Variants in CSMD1 observed in about 807,000 individuals in gnomAD.
The protein encoded by CSMD1 is CUB and sushi domain-containing protein 1.
In CSMD1, 213 loss-of-function variants were observed where a neutral mutation model predicts 417.5. The observed-to-expected ratio is 0.51, with a 90% CI of 0.46 to 0.57. CSMD1 has a LOEUF of 0.57. CSMD1 is among the 20% of genes least tolerant of loss of function. CSMD1 has a pLI of 0.00. For missense variants in CSMD1, 6,923 were observed against 4,529.7 expected (o/e 1.53, Z -15.17); for synonymous variants, 2,862 against 1,736.8 (o/e 1.65, Z -16.11).
At chr8:4,003,879 T>G (rs1432844393) in intron 4 of CSMD1, among the ~76,000 whole-genome samples, 1 of 152,186 alleles carries the variant, frequency 6.6e-6, no homozygotes. Context: ...TGATAAAATG[T>G]TTGTTTTTGT....
At chr8:4,165,313 C>G (rs1797392499) in intron 3 of CSMD1, among the ~76,000 whole-genome samples, 1 of 152,238 alleles carries the variant, frequency 6.6e-6, no homozygotes, top group African/African-American at 2.4e-5. Context: ...TGCCGGGTAT[C>G]TCAGCTGTAG....
chr8:4,558,525 G>T (rs996825569), intron 2 of CSMD1, among the ~76,000 whole-genome samples: 3 of 152,098 alleles, frequency 2.0e-5, no homozygotes, highest in African/African-American at 7.2e-5. Flanking sequence ...CTTAAGACAG[G>T]AAGACTCCGA....
rs942945790 is a variant in CSMD1, at chr8:3,617,537, G to A, written c.1010-740C>T. Reference sequence around the variant, plus strand: ...CCCAATTCAGTATAATGAGATGTGAGGGGAAGTCCACAGGAGTACTTCTGG... The same window carrying A: ...CCCAATTCAGTATAATGAGATGTGAAGGGAAGTCCACAGGAGTACTTCTGG... On this transcript the variant is annotated intron_variant, in intron 7 of 69. Transcript: ENST00000635120. Among the ~76,000 whole-genome samples the A allele has an allele frequency of 1.3e-5, 2 of 152,078 alleles. 1 individual carries two copies. Among genetic ancestry groups the A allele is most frequent in the South Asian group, 4.1e-4 (2 of 4,824 alleles).
At chr8:3,611,949 T>G (rs1257572270) in intron 8 of CSMD1, among the ~76,000 whole-genome samples, 1 of 152,134 alleles carries the variant, frequency 6.6e-6, no homozygotes, top group East Asian at 1.9e-4. Context: ...ATGACATCAT[T>G]TGCCAATTTT....
At chr8:4,667,906 G>A (rs1805040489) in intron 1 of CSMD1, among the ~76,000 whole-genome samples, 1 of 152,200 alleles carries the variant, frequency 6.6e-6, no homozygotes, top group Admixed American at 6.5e-5. Flanking sequence ...GCAGTGGTTA[G>A]AGTGGCCATC....
intron 8 of CSMD1, among the ~76,000 whole-genome samples, chr8:3,587,315 T>G (rs1175512796): frequency 6.6e-6 from 1 of 152,238 alleles, no homozygotes; most frequent in Non-Finnish European, 1.5e-5. Context: ...CTTCTGGCAT[T>G]GAATTAAATG....
chr8:3,990,853 T>C (rs1251927023), intron 5 of CSMD1, among the ~76,000 whole-genome samples: 1 of 152,146 alleles, frequency 6.6e-6, no homozygotes, highest in Non-Finnish European at 1.5e-5. Context: ...AGAGTGCAGC[T>C]GCCCCTTCAC....
At chr8:4,357,367 C>T (rs1801490246) in intron 3 of CSMD1, among the ~76,000 whole-genome samples, 1 of 152,136 alleles carries the variant, frequency 6.6e-6, no homozygotes, top group African/African-American at 2.4e-5. Flanking sequence ...AGAGCTGAGC[C>T]CACTGTATTT....
chr8:4,026,666 T>C (rs889773312), intron 4 of CSMD1, among the ~76,000 whole-genome samples: 2 of 152,256 alleles, frequency 1.3e-5, no homozygotes, highest in Admixed American at 6.5e-5. Context: ...TAAGATATTA[T>C]GTCAAAATAT....
At chr8:4,766,243 G>T (rs1378175224) in intron 1 of CSMD1, among the ~76,000 whole-genome samples, 4 of 152,176 alleles carry the variant, frequency 2.6e-5, no homozygotes, top group Non-Finnish European at 5.9e-5. Context: ...GTGGAATGAG[G>T]TATGGAGTAG....
intron 23 of CSMD1, among the ~76,000 whole-genome samples, chr8:3,323,596 A>C (rs1429252715): frequency 6.6e-6 from 1 of 152,226 alleles, no homozygotes; most frequent in South Asian, 2.1e-4. Flanking sequence ...TTTTAAAAAA[A>C]TTTTATAGCA....
intron 5 of CSMD1, among the ~76,000 whole-genome samples, chr8:3,918,448 T>C (rs1283771808): frequency 6.6e-6 from 1 of 152,216 alleles, no homozygotes; most frequent in Non-Finnish European, 1.5e-5. Flanking sequence ...TAATTAATTA[T>C]ATTGATCACC....
intron 25 of CSMD1, among the ~76,000 whole-genome samples, chr8:3,295,243 G>T (rs1803880808): frequency 6.6e-6 from 1 of 151,988 alleles, no homozygotes; most frequent in Admixed American, 6.6e-5. Flanking sequence ...TCCTGCCTCA[G>T]CCTCCCGAGT....
At chr8:3,706,186 C>T (rs1315680631) in intron 7 of CSMD1, among the ~76,000 whole-genome samples, 24 of 152,250 alleles carry the variant, frequency 1.6e-4, no homozygotes, top group Admixed American at 1.4e-3. Flanking sequence ...CTGCATGCCA[C>T]ACTCTGCAAC....
intron 41 of CSMD1, among the ~76,000 whole-genome samples, chr8:3,141,820 T>C (rs540566305): frequency 8.8e-4 from 129 of 147,074 alleles, no homozygotes; most frequent in African/African-American, 1.8e-3. Flanking sequence ...TTTTCTGAGA[T>C]GGAGTCTGGC....
At chr8:4,844,329 T>G (rs754219967) in intron 1 of CSMD1, among the ~76,000 whole-genome samples, 4 of 152,096 alleles carry the variant, frequency 2.6e-5, no homozygotes, top group Non-Finnish European at 5.9e-5. Flanking sequence ...TATTGATACA[T>G]TTTGTTTTTT....
At chr8:3,955,911 C>A (rs1288269997) in intron 5 of CSMD1, among the ~76,000 whole-genome samples, 1 of 152,150 alleles carries the variant, frequency 6.6e-6, no homozygotes, top group East Asian at 1.9e-4. Flanking sequence ...CCTTTGCCTC[C>A]CGGGTTAAAG....
chr8:3,840,998 C>T (rs1234131832), intron 5 of CSMD1, among the ~76,000 whole-genome samples: 1 of 152,050 alleles, frequency 6.6e-6, no homozygotes, highest in Non-Finnish European at 1.5e-5. Flanking sequence ...TGAACCACTG[C>T]AGCTGTCCGG....
intron 5 of CSMD1, among the ~76,000 whole-genome samples, chr8:3,946,812 A>T (rs962799888): frequency 6.6e-6 from 1 of 152,134 alleles, no homozygotes; most frequent in Non-Finnish European, 1.5e-5. Flanking sequence ...TAAATCTGTC[A>T]TATTTTAATT....
Sources: gnomAD v4.1 joint callset for allele counts (sites outside exome capture counted in the v4.1 genomes callset) on GRCh38, gnomAD v4.1.1 for gene constraint, MANE v1.5 for transcripts, NCBI Gene and HGNC (gene_info 2026-07-23, HGNC 2026-07-21) for gene names.